The following PLCG2 variants were observed in gnomAD, a reference collection of about 807,000 sequenced individuals.
The protein encoded by PLCG2 is phospholipase C gamma 2.
A neutral mutation model predicts 175.6 loss-of-function variants in PLCG2; 69 were observed. The ratio of observed to expected loss-of-function variants is 0.39; its 90% CI spans 0.32 to 0.48. PLCG2 has a LOEUF of 0.48. PLCG2 is among the 20% of genes least tolerant of loss of function. PLCG2 has a pLI of 0.91. For synonymous variants in PLCG2, 827 were observed against 624.0 expected (o/e 1.33, Z -4.85); for missense variants, 1,798 against 1,650.9 (o/e 1.09, Z -1.54).
intron 7 of PLCG2, among the ~76,000 whole-genome samples, chr16:81,877,137 C>T (rs148808866): frequency 6.6e-4 from 101 of 152,290 alleles, no homozygotes; most frequent in African/African-American, 2.4e-3. Flanking sequence ...GCCGCTGTGG[C>T]AAGTACTGCA....
Position 81,931,511 on chromosome 16 carries a change from G to C in PLCG2, c.2596G>C (p.Gly866Arg). Residue 866 changes from glycine (G) to arginine (R), a missense_variant, in exon 25 of 33, where the codon GGA (glycine) becomes CGA (arginine). Coordinates refer to ENST00000564138, the MANE Select transcript of PLCG2 (RefSeq NM_002661.5). The stretch of plus-strand genomic sequence containing the variant: ...CTTACCCCAAGTGAAAGCCCCTCAG[G>C]GAAAAAACCAGAAGTCCTTTGTCTT... Reference protein sequence around the residue: ...NTYNVVKAPQGKNQKSFVFIL... With the variant: ...NTYNVVKAPQRKNQKSFVFIL... The C allele has an allele frequency of 6.2e-7, 1 of 1,614,004 alleles. No individual in the cohort carries two copies. The highest frequency in any genetic ancestry group is 8.5e-7 in the Non-Finnish European group (1 of 1,179,960).
intron 1 of PLCG2, among the ~76,000 whole-genome samples, chr16:81,743,908 G>C (rs1228928315): frequency 1.3e-5 from 2 of 151,672 alleles, no homozygotes; most frequent in South Asian, 2.1e-4. Flanking sequence ...ATCCAGGCTG[G>C]AGTGCAGTGG....
At chr16:81,903,241 A>G (rs746534999) in intron 14 of PLCG2, among the ~76,000 whole-genome samples, 1 of 152,114 alleles carries the variant, frequency 6.6e-6, no homozygotes, top group Non-Finnish European at 1.5e-5. Context: ...CGTGGCATGT[A>G]CCCTATATTA....
intron 19 of PLCG2, among the ~76,000 whole-genome samples, chr16:81,918,292 T>C (rs1282401759): frequency 2.0e-5 from 3 of 152,128 alleles, no homozygotes; most frequent in Non-Finnish European, 2.9e-5. Flanking sequence ...GCTACGGAGG[T>C]TTTCCTCTCT....
At chr16:81,802,826 C>G (rs1325311098) in intron 2 of PLCG2, among the ~76,000 whole-genome samples, 1 of 152,190 alleles carries the variant, frequency 6.6e-6, no homozygotes, top group Non-Finnish European at 1.5e-5. Flanking sequence ...CCACCTCAGC[C>G]TCCCAAAGTG....
At chr16:81,930,306 G>A (rs772102946) in intron 24 of PLCG2, among the ~76,000 whole-genome samples, 3 of 152,108 alleles carry the variant, frequency 2.0e-5, no homozygotes, top group Non-Finnish European at 2.9e-5. Context: ...TTTCTTCTCT[G>A]TAAGATCCTT....
chr16:81,887,598 C>T (rs62043998), intron 9 of PLCG2, among the ~76,000 whole-genome samples: 21,283 of 152,158 alleles, frequency 0.14, 1,838 homozygotes, highest in Non-Finnish European at 0.2. Context: ...CCATGCATGT[C>T]ACCAGCCTGC....
chr16:81,959,410 A>T lies in PLCG2; in HGVS notation c.*1412A>T, dbSNP rs1567551193. On this transcript the variant is annotated 3_prime_UTR_variant, in exon 33 of 33. Coordinates refer to ENST00000564138, the MANE Select transcript of PLCG2 (RefSeq NM_002661.5). The stretch of plus-strand genomic sequence containing the variant: ...TTCACTCTACAAAAACTTACTGATC[A>T]CCTCCACATGCCAAATACAGTGCCA... 1 of 221,180 alleles carries T rather than the reference A, an allele frequency of 4.5e-6. No individual in the cohort carries two copies. The highest frequency in any genetic ancestry group is 9.0e-6 in the Non-Finnish European group (1 of 110,584). 13.7% of individuals were successfully genotyped at this position (221,180 alleles called of 1,614,324 possible). A position where few individuals can be genotyped will look rare whatever the true frequency, so the allele number is the denominator to read the frequency against.
At position 81,765,885 on chromosome 16, in the gene PLCG2, A is replaced by G. The variant is rs138625434; in HGVS notation, c.-48+9919A>G. Among the ~76,000 whole-genome samples the G allele has an allele frequency of 8.4e-3, 1,286 of 152,294 alleles. 22 individuals are homozygous for G. Among genetic ancestry groups the G allele is most frequent in the African/African-American group, 0.029 (1,201 of 41,548 alleles). ...CTGCTGTGTAGCCAAGGTGGGTTAC[A>G]TACTAGGAAAGGGCCCTGGGGGCCC... On this transcript the variant is annotated intron_variant, in intron 2 of 5. Coordinates refer to the PLCG2 transcript ENST00000565054.
At chr16:81,842,513 G>A (rs1034924013) in intron 2 of PLCG2, among the ~76,000 whole-genome samples, 3 of 152,150 alleles carry the variant, frequency 2.0e-5, no homozygotes, top group Non-Finnish European at 4.4e-5. Context: ...AGAGGTTGGG[G>A]TATGTGTGGG....
At chr16:81,861,537 T>A (rs1825165294) in intron 5 of PLCG2, among the ~76,000 whole-genome samples, 2 of 152,258 alleles carry the variant, frequency 1.3e-5, no homozygotes, top group South Asian at 4.1e-4. Context: ...CCTCTTCTTC[T>A]CATCCAAAAT....
At chr16:81,818,305 C>G (rs1262025505) in intron 2 of PLCG2, among the ~76,000 whole-genome samples, 1 of 152,196 alleles carries the variant, frequency 6.6e-6, no homozygotes, top group African/African-American at 2.4e-5. Flanking sequence ...TTCCATCGTG[C>G]TCTTCTCTTT....
intron 5 of PLCG2, among the ~76,000 whole-genome samples, chr16:81,863,040 A>G (rs973352174): frequency 6.6e-5 from 10 of 152,252 alleles, no homozygotes; most frequent in African/African-American, 2.4e-4. Flanking sequence ...TGTGGTAACA[A>G]CAATGAAACA....
At chr16:81,805,792 T>G (rs1448032989) in intron 2 of PLCG2, among the ~76,000 whole-genome samples, 2 of 145,550 alleles carry the variant, frequency 1.4e-5, no homozygotes, top group East Asian at 3.9e-4. Context: ...TGTTTTTTTT[T>G]TTTTTTGCTG....
intron 2 of PLCG2, among the ~76,000 whole-genome samples, chr16:81,760,138 G>A (rs1910007999): frequency 6.6e-6 from 1 of 152,204 alleles, no homozygotes; most frequent in African/African-American, 2.4e-5. Flanking sequence ...TCTAGTGTTA[G>A]GAAGAATGAG....
intron 2 of PLCG2, among the ~76,000 whole-genome samples, chr16:81,835,113 T>A (rs1040327063): frequency 1.3e-5 from 2 of 152,148 alleles, no homozygotes; most frequent in African/African-American, 4.8e-5. Flanking sequence ...TCAGCTCTGT[T>A]ATTGATTCAC....
chr16:81,889,147 C>A, intron 9 of PLCG2, 25 bp from the exon 10 acceptor site: 1 of 1,403,568 alleles, frequency 7.1e-7, no homozygotes, highest in Non-Finnish European at 1.0e-6. Flanking sequence ...CTTTGCTGAT[C>A]TCTCGTTCTC....
At chr16:81,762,616 A>C (rs899673735) in intron 2 of PLCG2, among the ~76,000 whole-genome samples, 1 of 152,128 alleles carries the variant, frequency 6.6e-6, no homozygotes, top group African/African-American at 2.4e-5. Flanking sequence ...CTTTAACATA[A>C]GGAACAGAGT....
chr16:81,811,111 G>T (rs1362552435), intron 2 of PLCG2, among the ~76,000 whole-genome samples: 1 of 152,154 alleles, frequency 6.6e-6, no homozygotes. Flanking sequence ...AGTGTGCTGG[G>T]GAAGGTCATA....
Sources: gnomAD v4.1 joint callset for allele counts (sites outside exome capture counted in the v4.1 genomes callset) on GRCh38, gnomAD v4.1.1 for gene constraint, MANE v1.5 for transcripts, NCBI Gene and HGNC (gene_info 2026-07-23, HGNC 2026-07-21) for gene names.